Variants in LRBA observed in about 807,000 individuals in gnomAD.
The protein encoded by LRBA is lipopolysaccharide-responsive and beige-like anchor protein.
LRBA carries 176 observed loss-of-function variants against 330.0 expected under a neutral mutation model. The observed-to-expected ratio is 0.53, with a 90% CI of 0.47 to 0.60. The LOEUF is 0.60. LRBA is among the 20% of genes least tolerant of loss of function. The pLI is 0.00. For synonymous variants in LRBA, 1,230 were observed against 1,193.0 expected, an observed-to-expected ratio of 1.03 and a Z score of -0.64; for missense variants, 3,259 against 3,444.8, an observed-to-expected ratio of 0.95 and a Z score of 1.35.
intron 2 of LRBA, among the ~76,000 whole-genome samples, chr4:150,949,033 A>G (rs1293589776): frequency 6.6e-6 from 1 of 151,098 alleles, no homozygotes; most frequent in Non-Finnish European, 1.5e-5. Context: ...GGTAATTTCT[A>G]TTTAAAAAAA....
chr4:150,494,600 T>C (rs1759350000), intron 40 of LRBA, among the ~76,000 whole-genome samples: 1 of 152,350 alleles, frequency 6.6e-6, no homozygotes, highest in Non-Finnish European at 1.5e-5. Context: ...AAATATACCA[T>C]TTATATTCCA....
At chr4:150,591,829 C>A (rs1772876378) in intron 38 of LRBA, among the ~76,000 whole-genome samples, 1 of 152,072 alleles carries the variant, frequency 6.6e-6, no homozygotes, top group Non-Finnish European at 1.5e-5. Flanking sequence ...GAAAGGAGAG[C>A]AAAGACGCAA....
At chr4:150,599,764 C>T (rs909567299) in intron 37 of LRBA, among the ~76,000 whole-genome samples, 1 of 151,996 alleles carries the variant, frequency 6.6e-6, no homozygotes, top group Non-Finnish European at 1.5e-5. Context: ...TACATTTAGC[C>T]CCTGAGGCTT....
chr4:150,985,248 A>T (rs1203339525), intron 2 of LRBA, among the ~76,000 whole-genome samples: 1 of 145,580 alleles, frequency 6.9e-6, no homozygotes, highest in African/African-American at 2.5e-5. Context: ...ACAGAGCTAG[A>T]CTCCATCTCA....
In LRBA at chr4:150,435,664, A is replaced by C. The variant is rs149154150; in HGVS notation, c.6966T>G (p.Phe2322Leu). ...ATGAAAAAGTTCGATCTGCATGATC[A>C]AATTTGCCTCCTTGCAAATTTAGGA... ...TYFLNLQGGKFDHADRTFSSI... is the reference protein window; with the variant it reads ...TYFLNLQGGKLDHADRTFSSI... Residue 2322 changes from phenylalanine to leucine, a missense_variant, in exon 46 of 57, where the codon TTT (phenylalanine) becomes TTG (leucine). Coordinates refer to ENST00000651943, the MANE Select transcript of LRBA (RefSeq NM_001364905.1). The C allele has an allele frequency of 2.5e-6, 4 of 1,612,672 alleles. No homozygotes were observed. In the African/African-American group the frequency reaches 5.3e-5, roughly 22 times the overall value.
chr4:150,494,706 C>T (rs1759363323), intron 40 of LRBA, among the ~76,000 whole-genome samples: 1 of 152,082 alleles, frequency 6.6e-6, no homozygotes, highest in South Asian at 2.1e-4. Flanking sequence ...CAAAAATATT[C>T]AGTAGTAGGC....
chr4:150,700,320 A>G (rs2126992327), intron 36 of LRBA, among the ~76,000 whole-genome samples: 1 of 152,276 alleles, frequency 6.6e-6, no homozygotes, highest in African/African-American at 2.4e-5. Flanking sequence ...TATGTACAGT[A>G]TGTTACTGTA....
intron 46 of LRBA, among the ~76,000 whole-genome samples, chr4:150,427,885 A>C (rs1440533887): frequency 2.0e-5 from 3 of 152,028 alleles, no homozygotes; most frequent in Non-Finnish European, 4.4e-5. Context: ...TGATATCAGC[A>C]TCCATGGAAT....
chr4:150,674,084 G>T (rs139716568), intron 37 of LRBA, among the ~76,000 whole-genome samples: 6 of 152,152 alleles, frequency 3.9e-5, no homozygotes, highest in Non-Finnish European at 8.8e-5. Context: ...ATGAGCTTTC[G>T]ATGTCAGCTA....
chr4:150,423,395 A>C, intron 46 of LRBA: 1 of 641,096 alleles, frequency 1.6e-6, no homozygotes, highest in Non-Finnish European at 2.8e-6. Flanking sequence ...TTGAGTCCAC[A>C]GTCCCTTCCT....
In LRBA at chr4:150,648,158, C is replaced by CAAAAAAAAAAAAAAAAAA; in HGVS notation, c.5921+35375_5921+35392dup. On this transcript the variant is annotated intron_variant, in intron 37 of 56. Transcript: ENST00000651943. ...TCAGAAGAGAAAGGAACACAAGTAG[C>CAAAAAAAAAAAAAAAAAA]AAAAAAAAAAAAAAAAAAACTAGAA... Among the ~76,000 whole-genome samples, 86 of 18,046 alleles carry CAAAAAAAAAAAAAAAAAA rather than the reference C, an allele frequency of 4.8e-3. 11 individuals are homozygous for CAAAAAAAAAAAAAAAAAA. The highest frequency in any genetic ancestry group is 0.013 in the East Asian group (5 of 392). The allele number at this position is 18,046 out of a possible 152,430, so 11.8% of individuals were successfully genotyped here. A position where few individuals can be genotyped will look rare whatever the true frequency, so the allele number is the denominator to read the frequency against.
chr4:150,662,279 C>T (rs1359676191), intron 37 of LRBA, among the ~76,000 whole-genome samples: 2 of 152,096 alleles, frequency 1.3e-5, no homozygotes, highest in South Asian at 2.1e-4. Context: ...TGTATTGATA[C>T]TATAGCATTT....
chr4:150,843,028 G>A (rs918645001), intron 28 of LRBA, among the ~76,000 whole-genome samples: 5 of 152,220 alleles, frequency 3.3e-5, no homozygotes, highest in South Asian at 2.1e-4. Context: ...AATAGGGTTC[G>A]TGCTCCTATG....
At chr4:150,893,646 A>G (rs1729734138) in intron 16 of LRBA, among the ~76,000 whole-genome samples, 1 of 151,768 alleles carries the variant, frequency 6.6e-6, no homozygotes. Flanking sequence ...ACCGCACCTG[A>G]CCTCAAAACA....
At chr4:150,633,675 C>A (rs1777600995) in intron 37 of LRBA, among the ~76,000 whole-genome samples, 1 of 152,184 alleles carries the variant, frequency 6.6e-6, no homozygotes, top group South Asian at 2.1e-4. Context: ...GCTCCTTATT[C>A]CTCTTTAGAA....
At chr4:150,334,891 G>A (rs1333527223) in intron 48 of LRBA, among the ~76,000 whole-genome samples, 1 of 144,360 alleles carries the variant, frequency 6.9e-6, no homozygotes, top group Non-Finnish European at 1.5e-5. Context: ...GTGTGGTGGT[G>A]CAACCTTGTC....
chr4:150,733,643 AT>A (rs1730800938), intron 36 of LRBA, among the ~76,000 whole-genome samples: 1 of 151,804 alleles, frequency 6.6e-6, no homozygotes, highest in Non-Finnish European at 1.5e-5. Flanking sequence ...ATTAGTTTAT[AT>A]TTTATCTTAT....
At chr4:150,602,883 T>C (rs1463802187) in intron 37 of LRBA, among the ~76,000 whole-genome samples, 1 of 152,218 alleles carries the variant, frequency 6.6e-6, no homozygotes, top group African/African-American at 2.4e-5. Context: ...AAACAGACTG[T>C]TGACCAAATA....
rs369577416 is a variant in LRBA at position 150,982,183 on chromosome 4, G to C, written c.216+32244C>G. Among the ~76,000 whole-genome samples the C allele has an allele frequency of 3.7e-4, 57 of 152,150 alleles. 1 individual carries two copies. The South Asian group carries it at 9.3e-3, about 25-fold the overall frequency. The stretch of plus-strand genomic sequence containing the variant: ...AGATTAAGGCTACTTAGAGATGAGA[G>C]ACAGTAGTATGATCGATCTGGTCTT... On this transcript the variant is annotated intron_variant, in intron 2 of 56. Transcript: ENST00000651943.
Sources: allele counts gnomAD v4.1 joint callset (sites outside exome capture counted in the v4.1 genomes callset), GRCh38; gene constraint gnomAD v4.1.1; transcripts MANE v1.5; gene names NCBI Gene and HGNC (gene_info 2026-07-23, HGNC 2026-07-21).